The following IL21R variants were observed in gnomAD, a reference collection of about 807,000 sequenced individuals.
IL21R encodes interleukin 21 receptor, also known as interleukin-21 receptor.
A neutral mutation model predicts 41.3 loss-of-function variants in IL21R; 14 were observed. That is an observed-to-expected ratio of 0.34 (90% CI 0.22 to 0.53). IL21R has a LOEUF of 0.53. Among genes scored for constraint, IL21R ranks in the 20% least tolerant of loss-of-function variants. IL21R has a pLI of 0.94. For missense variants in IL21R, 588 were observed against 681.6 expected (o/e 0.86, Z 1.53); for synonymous variants, 286 against 287.6 (o/e 0.99, Z 0.05).
chr16:27,449,190 C>A lies in IL21R; in HGVS notation c.1524C>A (p.Thr508=). The change falls in exon 9 of 9, where the codon ACC becomes ACA. Residue 508 remains threonine, a synonymous_variant. Transcript: ENST00000337929. ...DCSSPVECDF[T]SPGDEGPPRS... ...GCAGCCCTGTGGAGTGTGACTTCACCAGCCCCGGGGACGAAGGACCCCCCC... is the reference window on the plus strand; with the variant it reads ...GCAGCCCTGTGGAGTGTGACTTCACAAGCCCCGGGGACGAAGGACCCCCCC... 2 of 1,613,040 alleles carry A rather than the reference C, an allele frequency of 1.2e-6. No homozygotes were observed. The highest frequency in any genetic ancestry group is 1.7e-6 in the Non-Finnish European group (2 of 1,179,984).
At chr16:27,422,997 C>T (rs11074861) in intron 1 of IL21R, among the ~76,000 whole-genome samples, 54,258 of 151,932 alleles carry the variant, frequency 0.36, 10,036 homozygotes, top group East Asian at 0.51. Flanking sequence ...GGGTACTCAC[C>T]AGGGCCCATC....
intron 1 of IL21R, chr16:27,403,173 G>A (rs1006339062): frequency 1.5e-6 from 2 of 1,323,818 alleles, no homozygotes; most frequent in Admixed American, 4.4e-5. Flanking sequence ...GTGACCCCAT[G>A]AGCTGTCGCT....
intron 3 of IL21R, 42 bp from the exon 4 acceptor site, chr16:27,437,446 G>T (rs2087290788): frequency 6.5e-7 from 1 of 1,539,860 alleles, no homozygotes; most frequent in Non-Finnish European, 8.9e-7. Flanking sequence ...CATCCCCCCT[G>T]CCCCTGGCTT....
chr16:27,449,069 G>A lies in IL21R; in HGVS notation c.1403G>A (p.Arg468Gln), dbSNP rs779279193. ...DWAGGLPWGG[R>Q]SPGGVSESEA... Reference sequence around the variant, plus strand: ...GCTGGGGGACTGCCCTGGGGTGGCCGGTCACCTGGAGGGGTCTCAGAGAGT... The same window carrying A: ...GCTGGGGGACTGCCCTGGGGTGGCCAGTCACCTGGAGGGGTCTCAGAGAGT... The change falls in exon 9 of 9, where the codon CGG becomes CAG. Residue 468 changes from arginine (R) to glutamine (Q), a missense_variant. Arg to Gln is a conservative substitution (Grantham distance 43, BLOSUM62 1). Transcript: ENST00000337929. 3.1e-5 allele frequency: 50 copies of A among 1,612,664 alleles called. No individual in the cohort carries two copies. Among genetic ancestry groups the A allele is most frequent in the African/African-American group, 9.3e-5 (7 of 74,918 alleles).
At chr16:27,407,893 TA>T (rs11365580) in intron 1 of IL21R, among the ~76,000 whole-genome samples, 117,898 of 152,168 alleles carry the variant, frequency 0.77, 46,582 homozygotes, top group East Asian at 0.99. Context: ...CTCAATCCCC[TA>T]AAGCTCCAGA....
At chr16:27,437,452 G>A (rs1363750867) in intron 3 of IL21R, 36 bp from the exon 4 acceptor site, 14 of 1,579,692 alleles carry the variant, frequency 8.9e-6, no homozygotes, top group Non-Finnish European at 1.2e-5. Flanking sequence ...CCCTGCCCCT[G>A]GCTTCCAGCC....
chr16:27,403,633 A>G (rs1281852421), intron 1 of IL21R, among the ~76,000 whole-genome samples: 4 of 152,154 alleles, frequency 2.6e-5, no homozygotes, highest in Non-Finnish European at 4.4e-5. Context: ...ATCCTGGTGG[A>G]GCTAGTTGTG....
intron 1 of IL21R, among the ~76,000 whole-genome samples, chr16:27,427,020 G>A (rs2141279706): frequency 6.6e-6 from 1 of 152,240 alleles, no homozygotes; most frequent in Non-Finnish European, 1.5e-5. Context: ...TTTCAAGGAG[G>A]CTGTCTCTAA....
intron 1 of IL21R, among the ~76,000 whole-genome samples, chr16:27,408,863 C>G (rs1332509068): frequency 3.3e-5 from 5 of 152,198 alleles, no homozygotes; most frequent in Non-Finnish European, 7.3e-5. Flanking sequence ...GCATCCCATT[C>G]CTCAATCGTG....
At chr16:27,411,298 T>A (rs868696321) in intron 1 of IL21R, among the ~76,000 whole-genome samples, 2 of 152,214 alleles carry the variant, frequency 1.3e-5, no homozygotes, top group Middle Eastern at 3.4e-3. Flanking sequence ...TCTTTTCTTT[T>A]TTTTTATAAT....
chr16:27,414,086 A>C (rs2086859279), intron 1 of IL21R, among the ~76,000 whole-genome samples: 1 of 151,554 alleles, frequency 6.6e-6, no homozygotes, highest in African/African-American at 2.4e-5. Context: ...CCTCTAGTAT[A>C]AGATGTTTTT....
At chr16:27,448,193 G>A (rs1015722006) in intron 8 of IL21R, 2 of 235,280 alleles carry the variant, frequency 8.5e-6, no homozygotes, top group African/African-American at 2.3e-5. Context: ...AGTGACTCAC[G>A]CCTGTAATCC....
At chr16:27,416,855 A>G (rs572722584) in intron 1 of IL21R, among the ~76,000 whole-genome samples, 32 of 152,278 alleles carry the variant, frequency 2.1e-4, no homozygotes, top group African/African-American at 6.5e-4. Flanking sequence ...GACATTTCAT[A>G]CATATGGAGT....
In IL21R at chr16:27,405,833, G is replaced by C. The variant is rs192094793; in HGVS notation, c.-17+3215G>C. On this transcript the variant is annotated intron_variant, in intron 1 of 8. Transcript: ENST00000337929. Reference sequence around the variant, plus strand: ...GAAACGACCTGAGAATATTCCCCAGGCTGGGGGGCAGGGGCCACAAGGAGG... The same window carrying C: ...GAAACGACCTGAGAATATTCCCCAGCCTGGGGGGCAGGGGCCACAAGGAGG... 2.2e-3 allele frequency among the ~76,000 whole-genome samples: 339 copies of C among 152,380 alleles called. 2 individuals carry two copies. Among genetic ancestry groups the C allele is most frequent in the African/African-American group, 7.6e-3 (318 of 41,590 alleles).
chr16:27,403,269 G>C (rs771664657), intron 1 of IL21R: 67 of 1,315,740 alleles, frequency 5.1e-5, no homozygotes, highest in Non-Finnish European at 6.4e-5. Context: ...AGGAGGGTGG[G>C]GAGGTCAGTG....
chr16:27,412,120 G>A (rs2086832049), intron 1 of IL21R, among the ~76,000 whole-genome samples: 1 of 152,178 alleles, frequency 6.6e-6, no homozygotes, highest in South Asian at 2.1e-4. Flanking sequence ...TGCATATGGA[G>A]TAAAATAAGG....
chr16:27,432,100 T>A lies in IL21R; in HGVS notation c.49+1980T>A, dbSNP rs193296333. On this transcript the variant is annotated intron_variant, in intron 2 of 8. Coordinates refer to ENST00000337929, the MANE Select transcript of IL21R (RefSeq NM_181078.3). ...GGGGGGCTCTGCCCCCATGACTTAA[T>A]CATCTCCTAGAGTCCCCACCTTTTA... Among the ~76,000 whole-genome samples the A allele has an allele frequency of 6.0e-4, 92 of 152,356 alleles. 1 individual carries two copies. Among genetic ancestry groups the A allele is most frequent in the Admixed American group, 2.7e-3 (42 of 15,314 alleles).
intron 1 of IL21R, among the ~76,000 whole-genome samples, chr16:27,428,844 C>G (rs756678197): frequency 6.6e-6 from 1 of 152,186 alleles, no homozygotes; most frequent in Non-Finnish European, 1.5e-5. Context: ...GAGTAAGGAG[C>G]CTCATTATTG....
rs141990807 is a variant in IL21R at position 27,442,284 on chromosome 16, G to A, written c.353-678G>A. On this transcript the variant is annotated intron_variant, in intron 4 of 8. Coordinates refer to ENST00000337929, the MANE Select transcript of IL21R (RefSeq NM_181078.3). ...TGTATGCGTGTGTGTAGGCATGTGC[G>A]TGTGTGTTTCCCTAGAAAACTTAGA... Among the ~76,000 whole-genome samples the A allele has an allele frequency of 5.9e-5, 9 of 152,302 alleles. No homozygotes were observed. The East Asian group carries it at 7.7e-4, about 13-fold the overall frequency.
Sources: gnomAD v4.1 joint callset for allele counts (sites outside exome capture counted in the v4.1 genomes callset) on GRCh38, gnomAD v4.1.1 for gene constraint, MANE v1.5 for transcripts, NCBI Gene and HGNC (gene_info 2026-07-23, HGNC 2026-07-21) for gene names.